Variants in ITGA7 observed in about 807,000 individuals in gnomAD.
ITGA7 encodes the protein integrin alpha-7.
A neutral mutation model predicts 131.6 loss-of-function variants in ITGA7; 84 were observed. That is an observed-to-expected ratio of 0.64 (90% confidence interval 0.54 to 0.77). The LOEUF is 0.77. Ranked by LOEUF, ITGA7 falls within the 30% of genes least tolerant of loss-of-function variation. ITGA7 has a pLI of 0.00. For synonymous variants in ITGA7, 548 were observed against 600.7 expected (o/e 0.91, Z 1.28); for missense variants, 1,399 against 1,482.9 (o/e 0.94, Z 0.93).
At chr12:55,688,819 G>T in intron 22 of ITGA7, 25 bp downstream of exon 22, 1 of 1,552,390 alleles carries the variant, frequency 6.4e-7, no homozygotes. Flanking sequence ...AAGAAACACA[G>T]ACTAGAGCCG....
intron 14 of ITGA7, 67 bp downstream of exon 14, chr12:55,695,453 TGA>T: frequency 9.1e-7 from 1 of 1,100,354 alleles, no homozygotes; most frequent in Non-Finnish European, 1.4e-6. Flanking sequence ...CTGGTCCTCC[TGA>T]GAGGGCTTTC....
intron 5 of ITGA7, 27 bp downstream of exon 5, chr12:55,699,843 G>C: frequency 6.3e-7 from 1 of 1,588,734 alleles, no homozygotes; most frequent in East Asian, 2.3e-5. Flanking sequence ...CATGCCCCTA[G>C]AGTCCAGGAG....
chr12:55,703,117 C>G lies in ITGA7; in HGVS notation c.268G>C (p.Gly90Arg). The G allele has an allele frequency of 1.2e-6, 2 of 1,613,916 alleles. No homozygotes were observed. Among genetic ancestry groups the G allele is most frequent in the South Asian group, 2.2e-5 (2 of 91,076 alleles). ...AGGCTCAACGGGCAAGCGAAGAGGC[C>G]TCCAGTGCGATTCGCCTGCTGCCCA... The part of the protein sequence containing the change: ...LPGQQANRTG[G>R]LFACPLSLEE... The change falls in exon 2 of 25, where the codon GGC becomes CGC. Residue 90 changes from glycine to arginine, a missense_variant. By Grantham distance (125) the Gly-to-Arg change is moderately radical. Coordinates refer to ENST00000257879, the MANE Select transcript of ITGA7 (RefSeq NM_002206.3).
At position 55,696,976 on chromosome 12, in the gene ITGA7, TG is replaced by T. The variant is rs747672913; in HGVS notation, c.1659del (p.Lys554SerfsTer10). Reference protein sequence around the residue: ...VTFLSRNLEEPKHQASGTVWL... With the variant: ...VTFLSRNLEEXKHQASGTVWL... The stretch of plus-strand genomic sequence containing the variant: ...CACACGGTGCCCGAGGCCTGGTGCT[TG>T]GGTTCTTCCAGGTTACGGCTCAGGA... On this transcript the variant is annotated frameshift_variant, in exon 12 of 25. Coordinates refer to ENST00000257879, the MANE Select transcript of ITGA7 (RefSeq NM_002206.3). LOFTEE classifies it high-confidence loss of function. 3 of 1,614,114 alleles carry T rather than the reference TG, an allele frequency of 1.9e-6. No individual in the cohort carries two copies. Among genetic ancestry groups the T allele is most frequent in the Non-Finnish European group, 2.5e-6 (3 of 1,180,026 alleles).
chr12:55,696,831 A>G, intron 12 of ITGA7, 68 bp downstream of exon 12: 7 of 1,570,666 alleles, frequency 4.5e-6, no homozygotes, highest in Non-Finnish European at 6.1e-6. Flanking sequence ...AAAAGCAGCT[A>G]AGAGGAATCA....
At position 55,707,508 on chromosome 12, in the gene ITGA7, G is replaced by A; in HGVS notation, c.175C>T (p.His59Tyr). 6.2e-7 allele frequency: 1 copy of A among 1,613,832 alleles called. No homozygotes were observed. The highest frequency in any genetic ancestry group is 1.1e-5 in the South Asian group (1 of 91,078). Residue 59 changes from histidine to tyrosine, a missense_variant, in exon 1 of 25, where the codon CAC becomes TAC. His to Tyr is a moderately conservative substitution (Grantham distance 83). Transcript: ENST00000257879. ...TGGGGTCGGGGCTGCAACTGCCGGTGCAGGGCCACAGAGAAGCCGAAGAGG... is the reference window on the plus strand; with the variant it reads ...TGGGGTCGGGGCTGCAACTGCCGGTACAGGGCCACAGAGAAGCCGAAGAGG... ...GSLFGFSVAL[H>Y]RQLQPRPQSW...
chr12:55,694,519 T>C lies in ITGA7; in HGVS notation c.2281A>G (p.Thr761Ala). The C allele has an allele frequency of 6.2e-7, 1 of 1,614,080 alleles. No individual in the cohort carries two copies. Among genetic ancestry groups the C allele is most frequent in the East Asian group, 2.2e-5 (1 of 44,868 alleles). ...GAGGTGCTAAGGATGAGGTAGAAGG[T>C]GACCTAGGCCAAGGGTGGAAAGAGA... is the stretch of plus-strand genomic sequence containing the variant. ...GNPMKRGAQVTFYLILSTSGI... is the reference protein window; with the variant it reads ...GNPMKRGAQVAFYLILSTSGI... The change falls in exon 17 of 25, where the codon ACC becomes GCC. Residue 761 changes from threonine to alanine, a missense_variant. Transcript: ENST00000257879. The surrounding 1 kb of genome is among the most constrained non-coding windows in gnomAD (Gnocchi z 5.3).
In ITGA7 at chr12:55,688,142, A is replaced by G. The variant is rs772783996; in HGVS notation, c.3058-46T>C. The G allele has an allele frequency of 3.1e-6, 5 of 1,614,098 alleles. No homozygotes were observed. The Admixed American group carries it at 8.3e-5, about 27-fold the overall frequency. On this transcript the variant is annotated intron_variant, in intron 23 of 24. Transcript: ENST00000257879. ...GGAGCAAGAGGTCAATGGAACAAGAACTGGAGGGAGCAGGAAAGAAGAGAG... is the reference window on the plus strand; with the variant it reads ...GGAGCAAGAGGTCAATGGAACAAGAGCTGGAGGGAGCAGGAAAGAAGAGAG...
At chr12:55,712,549 G>A (rs902081604), upstream of ITGA7, 1 of 527,244 alleles carries the variant, frequency 1.9e-6, no homozygotes, top group African/African-American at 1.9e-5. Flanking sequence ...GTGAAGAAAG[G>A]AGTGTGGAGT....
intron 7 of ITGA7, 29 bp from the exon 8 acceptor site, chr12:55,698,055 G>A (rs770521782): frequency 1.6e-5 from 25 of 1,599,766 alleles, no homozygotes; most frequent in South Asian, 1.4e-4. Context: ...AGGCAGTCAC[G>A]CTGGCTGGGG....
At position 55,694,658 on chromosome 12, in the gene ITGA7, T is replaced by C. The variant is rs753991466; in HGVS notation, c.2234A>G (p.His745Arg). The change falls in exon 16 of 25, where the codon CAT becomes CGT. Residue 745 changes from histidine (H) to arginine (R), a missense_variant. His to Arg is a conservative substitution (Grantham distance 29, BLOSUM62 0). Transcript: ENST00000257879. This position sits in a 1 kb window ranked among gnomAD's most constrained non-coding sequence, Gnocchi z 5.3. ...GGGGTTCCCCAGCTCACACTCAACA[T>C]GGGAGGCATTCTCATTGGACAGGCA... Reference protein sequence around the residue: ...PLCLSNENASHVECELGNPMK... With the variant: ...PLCLSNENASRVECELGNPMK... 3 of 1,614,148 alleles carry C rather than the reference T, an allele frequency of 1.9e-6. No homozygotes were observed. Among genetic ancestry groups the C allele is most frequent in the South Asian group, 1.1e-5 (1 of 91,084 alleles).
Position 55,694,231 on chromosome 12 carries a change from A to C in ITGA7, c.2432+25T>G, listed in dbSNP as rs1480479194. 2 of 1,613,372 alleles carry C rather than the reference A, an allele frequency of 1.2e-6. No individual in the cohort carries two copies. The highest frequency in any genetic ancestry group is 1.7e-6 in the Non-Finnish European group (2 of 1,179,330). On this transcript the variant is annotated intron_variant, in intron 18 of 24. Coordinates refer to ENST00000257879, the MANE Select transcript of ITGA7 (RefSeq NM_002206.3). This position sits in a 1 kb window ranked among gnomAD's most constrained non-coding sequence, Gnocchi z 5.3. ...TGTCAATGCCCCCTCCCTCCAATGG[A>C]GGTGCCCCCTTGGGCCAGGCTCACC... is the stretch of plus-strand genomic sequence containing the variant.
intron 3 of ITGA7, 194 bp from the exon 4 acceptor site, chr12:55,701,348 A>C (rs1182700547): frequency 6.4e-7 from 1 of 1,555,298 alleles, no homozygotes; most frequent in African/African-American, 1.4e-5. Flanking sequence ...ACACAGGTCC[A>C]TGCATAACCC....
chr12:55,695,504 G>T lies in ITGA7; in HGVS notation c.2003+18C>A. 1 of 1,360,354 alleles carries T rather than the reference G, an allele frequency of 7.4e-7. No individual in the cohort carries two copies. Among genetic ancestry groups the T allele is most frequent in the Non-Finnish European group, 1.1e-6 (1 of 950,172 alleles). 84.3% of individuals were successfully genotyped at this position (1,360,354 alleles called of 1,614,324 possible). A position where few individuals can be genotyped will look rare whatever the true frequency, so the allele number is the denominator to read the frequency against. Reference sequence around the variant, plus strand: ...ACTCTTGCCCTCCCACCCCCACCCTGCTCTCTGCCCCCCTCACATGGGCAG... The same window carrying T: ...ACTCTTGCCCTCCCACCCCCACCCTTCTCTCTGCCCCCCTCACATGGGCAG... On this transcript the variant is annotated intron_variant, in intron 14 of 24. Coordinates refer to ENST00000257879, the MANE Select transcript of ITGA7 (RefSeq NM_002206.3).
Position 55,695,585 on chromosome 12 carries a change from A to T in ITGA7, c.1940T>A (p.Leu647Gln). The change falls in exon 14 of 25, where the codon CTG (leucine) becomes CAG (glutamine). Residue 647 changes from leucine to glutamine, a missense_variant. Transcript: ENST00000257879. ...CGEDKICQSNLQLVRARFCTR... is the reference protein window; with the variant it reads ...CGEDKICQSNQQLVRARFCTR... ...ACAGAAGCGGGCGCGGACCAGCTGC[A>T]GATTGCTCTGGCAGATCTTGTCTTC... 1 of 1,613,646 alleles carries T rather than the reference A, an allele frequency of 6.2e-7. No homozygotes were observed.
rs138160259 is a variant in ITGA7, at chr12:55,702,760, T to A, written c.414+112A>T. ...TATCTCCCTGATGTACTTGGAATCA[T>A]ACCATATTCCTAACTTGTGTTCTCT... is the stretch of plus-strand genomic sequence containing the variant. On this transcript the variant is annotated intron_variant, in intron 3 of 24. Coordinates refer to ENST00000257879, the MANE Select transcript of ITGA7 (RefSeq NM_002206.3). 171 of 878,236 alleles carry A rather than the reference T, an allele frequency of 1.9e-4. 2 individuals are homozygous for A. In the African/African-American group the frequency reaches 2.6e-3, roughly 13 times the overall value. The allele number at this position is 878,236 out of a possible 1,614,324, so 54.4% of individuals were successfully genotyped here.
At chr12:55,688,670 C>G (rs1005420494) in intron 22 of ITGA7, among the ~76,000 whole-genome samples, 174 bp downstream of exon 22, 1 of 148,394 alleles carries the variant, frequency 6.7e-6, no homozygotes, top group African/African-American at 2.5e-5. Context: ...TTGCAGTGAG[C>G]TGAGATCGCA....
chr12:55,702,243 G>A (rs192024726), intron 3 of ITGA7, among the ~76,000 whole-genome samples: 4,614 of 151,110 alleles, frequency 0.031, 227 homozygotes, highest in African/African-American at 0.11. Context: ...GCAGTGGCGC[G>A]ATCTCAGCTC....
In ITGA7 at chr12:55,696,956, G is replaced by A. The variant is rs760968207; in HGVS notation, c.1680C>T (p.Thr560=). 9.8e-5 allele frequency: 158 copies of A among 1,614,062 alleles called. No homozygotes were observed. The South Asian group carries it at 1.1e-3, about 12-fold the overall frequency. Residue 560 remains threonine (T), a synonymous_variant, in exon 12 of 25, where the codon ACC becomes ACT. Coordinates refer to ENST00000257879, the MANE Select transcript of ITGA7 (RefSeq NM_002206.3). The part of the protein sequence containing the change: ...LEEPKHQASG[T]VWLKHQHDRV... ...GGTCATGCTGGTGCTTCAGCCACAC[G>A]GTGCCCGAGGCCTGGTGCTTGGGTT...
Sources: gnomAD v4.1 joint callset for allele counts (sites outside exome capture counted in the v4.1 genomes callset) on GRCh38, gnomAD v4.1.1 for gene constraint, Gnocchi (gnomAD v3.1) non-coding constraint, MANE v1.5 for transcripts, NCBI Gene and HGNC (gene_info 2026-07-23, HGNC 2026-07-21) for gene names.